PTOV1: variants seen among roughly 807,000 people sequenced by gnomAD.
PTOV1 encodes prostate tumor-overexpressed gene 1 protein.
Under a neutral mutation model 58.0 loss-of-function variants are expected in PTOV1, and 20 were observed. The observed-to-expected ratio is 0.34, with a 90% CI of 0.24 to 0.50. The LOEUF (loss-of-function observed/expected upper bound fraction) is 0.50. Among genes scored for constraint, PTOV1 ranks in the 20% least tolerant of loss-of-function variants. The pLI is 0.98. For missense variants in PTOV1, 593 were observed against 565.4 expected, an observed-to-expected ratio of 1.05 and a Z score of -0.50; for synonymous variants, 335 against 234.2, an observed-to-expected ratio of 1.43 and a Z score of -3.93.
chr19:49,851,217 C>G, exon 1 of PTOV1: 2 of 1,167,296 alleles, frequency 1.7e-6, no homozygotes, highest in Non-Finnish European at 2.1e-6. Flanking sequence ...TGGTACGGCT[C>G]AGCCCGTCTC....
intron 1 of PTOV1, 166 bp downstream of exon 1, chr19:49,851,665 C>T (rs2074253258): frequency 2.7e-6 from 3 of 1,105,624 alleles, no homozygotes; most frequent in South Asian, 4.5e-5. Context: ...CCCGGTGGTT[C>T]GCGCCGCGCT....
chr19:49,860,327 G>A (rs200407251), exon 12 of PTOV1: 246 of 1,357,664 alleles, frequency 1.8e-4, no homozygotes, highest in Middle Eastern at 7.2e-4. Context: ...TGAGGCCCCC[G>A]CAGAGACTGG....
intron 2 of PTOV1, 22 bp downstream of exon 2, chr19:49,854,565 G>A (rs1251789936): frequency 5.6e-6 from 9 of 1,612,358 alleles, no homozygotes; most frequent in East Asian, 2.2e-5. Flanking sequence ...TGGGGCTGCG[G>A]CTGGCCTCCA....
intron 9 of PTOV1, 162 bp downstream of exon 9, chr19:49,858,276 C>T (rs928979653): frequency 5.1e-6 from 5 of 972,430 alleles, no homozygotes; most frequent in East Asian, 2.6e-5. Flanking sequence ...GGCTTGGCTT[C>T]AAGGGGTCCC....
exon 12 of PTOV1, chr19:49,860,674 G>T: frequency 2.6e-6 from 1 of 391,510 alleles, no homozygotes; most frequent in Non-Finnish European, 4.6e-6. Flanking sequence ...ATGGAGGATG[G>T]TGTCCTGAGG....
intron 1 of PTOV1, chr19:49,851,821 A>G (rs1380154833): frequency 4.5e-5 from 45 of 1,002,004 alleles, no homozygotes; most frequent in East Asian, 2.0e-4. Flanking sequence ...TGTTTTTCCT[A>G]TTGGAGAGTT....
rs572399834 is a variant in PTOV1 at position 49,857,195 on chromosome 19, G to A, written c.714+65G>A. The A allele has an allele frequency of 2.3e-5, 37 of 1,589,372 alleles. No individual in the cohort carries two copies. The African/African-American group carries it at 4.7e-4, about 20-fold the overall frequency. On this transcript the variant is annotated intron_variant, in intron 6 of 11. Coordinates refer to ENST00000391842, the Ensembl canonical transcript of PTOV1. ...GATTAGACCCCACTGCCCTGGTTGG[G>A]CAGCCAGACTTGGTGTGGGCGGAGT...
In PTOV1 at chr19:49,860,115, C is replaced by CG; in HGVS notation, c.1173dup (p.Arg392AlafsTer49). 1 of 1,614,202 alleles carries CG rather than the reference C, an allele frequency of 6.2e-7. No homozygotes were observed. The highest frequency in any genetic ancestry group is 1.1e-5 in the South Asian group (1 of 91,080). ...CCAGGGCAACTTTGTCAACGGCATC[C>CG]GGCGTGTCATTGCCAACCAGCAGCA... On this transcript the variant is annotated frameshift_variant, in exon 11 of 12. Coordinates refer to ENST00000391842, the Ensembl canonical transcript of PTOV1. LOFTEE classifies it high-confidence loss of function.
chr19:49,859,842 GC>G (rs2074669658), intron 10 of PTOV1, 143 bp from the exon 11 acceptor site: 2 of 834,518 alleles, frequency 2.4e-6, no homozygotes, highest in African/African-American at 3.4e-5. Flanking sequence ...CAATAAGGGG[GC>G]CCACCTCCAG....
chr19:49,860,240 A>G (rs1200255539), intron 11 of PTOV1, 28 bp from the exon 12 acceptor site: 1 of 1,613,548 alleles, frequency 6.2e-7, no homozygotes, highest in Non-Finnish European at 8.5e-7. Context: ...CTGCCTGCTC[A>G]CCACTGGCCT....
intron 10 of PTOV1, chr19:49,858,862 GCTC>G (rs1255622983): frequency 5.6e-6 from 3 of 536,668 alleles, no homozygotes; most frequent in African/African-American, 1.9e-5. Context: ...GCGGGGGCCT[GCTC>G]CTCCTCTGCC....
Position 49,860,197 on chromosome 19 carries a change from C to T in PTOV1, c.1239+14C>T, listed in dbSNP as rs150676774. 1.6e-3 allele frequency: 2,507 copies of T among 1,614,020 alleles called. 32 individuals are homozygous for T. In the African/African-American group the frequency reaches 0.029, roughly 19 times the overall value. On this transcript the variant is annotated intron_variant, in intron 11 of 11. Coordinates refer to ENST00000391842, the Ensembl canonical transcript of PTOV1. ...CAGCAACGAGGGGTGAGGTGGCCGG[C>T]CTCCAGGGCTGCTCAGTCTCCCTCC...
At chr19:49,855,157 G>T in intron 5 of PTOV1, 80 bp downstream of exon 5, 2 of 1,353,604 alleles carry the variant, frequency 1.5e-6, no homozygotes, top group South Asian at 1.3e-5. Flanking sequence ...AGTCCAGGCG[G>T]GGGTCGGGGG....
At chr19:49,851,110 A>G, upstream of PTOV1, 1 of 1,358,008 alleles carries the variant, frequency 7.4e-7, no homozygotes, top group Non-Finnish European at 9.4e-7. Context: ...CGCTCCGGCC[A>G]CGCCCCCTCG....
intron 5 of PTOV1, chr19:49,856,499 A>G: frequency 5.8e-6 from 1 of 171,514 alleles, no homozygotes; most frequent in South Asian, 1.3e-4. Flanking sequence ...AAGAGGCACC[A>G]GCACTTTATC....
intron 1 of PTOV1, 170 bp downstream of exon 1, chr19:49,851,669 C>T (rs2122160910): frequency 4.4e-6 from 5 of 1,145,602 alleles, no homozygotes; most frequent in Admixed American, 4.7e-5. Context: ...GTGGTTCGCG[C>T]CGCGCTCTCC....
At chr19:49,857,383 G>A (rs1314132356) in intron 6 of PTOV1, 8 of 620,736 alleles carry the variant, frequency 1.3e-5, no homozygotes, top group Non-Finnish European at 2.2e-5. Context: ...GAGCTGGGCA[G>A]GGGTTGGGAT....
chr19:49,858,593 C>G (rs1350566934), exon 10 of PTOV1: 1 of 1,606,522 alleles, frequency 6.2e-7, no homozygotes, highest in African/African-American at 1.3e-5. Flanking sequence ...TGGTCCAGTT[C>G]CACTTCACCA....
At position 49,853,532 on chromosome 19, in the gene PTOV1, G is replaced by A. The variant is rs529908646; in HGVS notation, c.172-874G>A. On this transcript the variant is annotated intron_variant, in intron 1 of 11. Coordinates refer to ENST00000391842, the Ensembl canonical transcript of PTOV1. ...AAAAAAAAATTAGCCGGGCATGATG[G>A]CGCGGCTTGCAGTGAGCGAGGTTGC... Among the ~76,000 whole-genome samples the A allele has an allele frequency of 1.6e-4, 25 of 151,966 alleles. No homozygotes were observed. The South Asian group carries it at 5.0e-3, about 30-fold the overall frequency.
Sources: allele counts gnomAD v4.1 joint callset (sites outside exome capture counted in the v4.1 genomes callset), GRCh38; gene constraint gnomAD v4.1.1; transcripts MANE v1.5; gene names NCBI Gene and HGNC (gene_info 2026-07-23, HGNC 2026-07-21).